The following ARL15 variants were observed in gnomAD, a reference collection of about 807,000 sequenced individuals.
The protein encoded by ARL15 is ARF like GTPase 15, also known as ADP-ribosylation factor-like protein 15.
A neutral mutation model predicts 25.2 loss-of-function variants in ARL15; 19 were observed. That is an observed-to-expected ratio of 0.75 (90% CI 0.53 to 1.10). ARL15 has a LOEUF of 1.10. ARL15 is among the 50% of genes least tolerant of loss of function. The pLI, the probability that ARL15 is intolerant of heterozygous loss-of-function variation, is 0.00. For synonymous variants in ARL15, 94 were observed against 86.8 expected, an observed-to-expected ratio of 1.08 and a Z score of -0.46; for missense variants, 220 against 246.0, an observed-to-expected ratio of 0.89 and a Z score of 0.71.
intron 1 of ARL15, among the ~76,000 whole-genome samples, chr5:54,275,726 C>G (rs575694604): frequency 6.6e-6 from 1 of 151,728 alleles, no homozygotes; most frequent in Non-Finnish European, 1.5e-5. Context: ...ACTCTGTCAC[C>G]CAGACTGGAG....
chr5:54,104,632 C>T (rs1226661266), intron 4 of ARL15, among the ~76,000 whole-genome samples: 2 of 151,876 alleles, frequency 1.3e-5, no homozygotes, highest in East Asian at 3.9e-4. Flanking sequence ...TATTTTCTTC[C>T]CATATTATGC....
chr5:54,113,464 A>T (rs931018809), intron 3 of ARL15, 54 bp from the exon 4 acceptor site: 1 of 1,542,074 alleles, frequency 6.5e-7, no homozygotes. Context: ...GCAACTGAAA[A>T]ATGTTCCCAA....
intron 1 of ARL15, among the ~76,000 whole-genome samples, chr5:54,209,392 AAG>A (rs1216934726): frequency 6.6e-6 from 1 of 151,890 alleles, no homozygotes; most frequent in Non-Finnish European, 1.5e-5. Context: ...AAGCTAGAGA[AAG>A]AGAAGTTAGA....
intron 3 of ARL15, among the ~76,000 whole-genome samples, chr5:54,140,485 T>C (rs1009401901): frequency 1.4e-5 from 2 of 146,564 alleles, no homozygotes. Flanking sequence ...GATAGAGATA[T>C]GCTTACACAG....
intron 3 of ARL15, among the ~76,000 whole-genome samples, chr5:54,129,263 G>A (rs181231816): frequency 1.3e-5 from 2 of 152,220 alleles, no homozygotes; most frequent in Admixed American, 1.3e-4. Context: ...CAACAGAAAT[G>A]TCTCCAAATT....
intron 4 of ARL15, among the ~76,000 whole-genome samples, chr5:53,996,303 G>C (rs1748668302): frequency 6.6e-6 from 1 of 152,180 alleles, no homozygotes; most frequent in South Asian, 2.1e-4. Context: ...GCTGATGCAT[G>C]TGTGATCATA....
chr5:54,125,821 T>G (rs1753234291), intron 3 of ARL15, among the ~76,000 whole-genome samples: 1 of 152,184 alleles, frequency 6.6e-6, no homozygotes, highest in African/African-American at 2.4e-5. Flanking sequence ...AAAATAAATT[T>G]GCAGCTAGGT....
At chr5:53,968,157 A>T (rs1261955298) in intron 4 of ARL15, among the ~76,000 whole-genome samples, 1 of 152,212 alleles carries the variant, frequency 6.6e-6, no homozygotes, top group Non-Finnish European at 1.5e-5. Context: ...GAGAGTTAGT[A>T]TGCTGAAGTA....
intron 1 of ARL15, among the ~76,000 whole-genome samples, chr5:54,261,081 G>A (rs946237680): frequency 3.3e-5 from 5 of 152,238 alleles, no homozygotes; most frequent in African/African-American, 1.2e-4. Context: ...GCTGCAAGTG[G>A]GGAAGTGTGA....
chr5:54,257,709 T>C (rs1757402391), intron 1 of ARL15, among the ~76,000 whole-genome samples: 1 of 152,206 alleles, frequency 6.6e-6, no homozygotes, highest in Non-Finnish European at 1.5e-5. Flanking sequence ...AAGTATCTGA[T>C]TGCATGTCAG....
chr5:54,072,282 T>C lies in ARL15; in HGVS notation c.462+40920A>G, dbSNP rs73112683. Among the ~76,000 whole-genome samples, 64 of 152,298 alleles carry C rather than the reference T, an allele frequency of 4.2e-4. 1 individual carries two copies. Among genetic ancestry groups the C allele is most frequent in the African/African-American group, 1.4e-3 (59 of 41,548 alleles). On this transcript the variant is annotated intron_variant, in intron 4 of 4. Transcript: ENST00000504924. ...AGTTCTCTCCACACACGGGCTTGGTTGAACAGATTTTGAACTGGCCAAGGT... is the reference window on the plus strand; with the variant it reads ...AGTTCTCTCCACACACGGGCTTGGTCGAACAGATTTTGAACTGGCCAAGGT...
chr5:54,153,216 A>G (rs936744681), intron 3 of ARL15, among the ~76,000 whole-genome samples: 2 of 152,206 alleles, frequency 1.3e-5, no homozygotes, highest in East Asian at 3.8e-4. Flanking sequence ...CACAAAGCAA[A>G]AAAGCATTTT....
At chr5:53,997,669 G>T (rs1748725920) in intron 4 of ARL15, among the ~76,000 whole-genome samples, 1 of 152,154 alleles carries the variant, frequency 6.6e-6, no homozygotes. Flanking sequence ...GATGAAGGAG[G>T]TGAATGGGGA....
intron 1 of ARL15, among the ~76,000 whole-genome samples, chr5:54,298,733 T>C (rs1283224795): frequency 2.0e-5 from 3 of 152,056 alleles, no homozygotes; most frequent in Admixed American, 2.0e-4. Flanking sequence ...TTTCCAGTCA[T>C]TATCTTCCAT....
chr5:54,073,520 G>C (rs1751486806), intron 4 of ARL15, among the ~76,000 whole-genome samples: 1 of 152,170 alleles, frequency 6.6e-6, no homozygotes, highest in Non-Finnish European at 1.5e-5. Flanking sequence ...TCAGAAGTTG[G>C]TTAGAAAATG....
At chr5:54,248,309 C>T (rs971878869) in intron 1 of ARL15, among the ~76,000 whole-genome samples, 3 of 152,190 alleles carry the variant, frequency 2.0e-5, no homozygotes, top group Non-Finnish European at 4.4e-5. Context: ...TCTCTCTTCA[C>T]CATCCTATCC....
At chr5:54,224,679 A>G (rs1002302476) in intron 1 of ARL15, among the ~76,000 whole-genome samples, 1 of 152,140 alleles carries the variant, frequency 6.6e-6, no homozygotes, top group African/African-American at 2.4e-5. Flanking sequence ...ACCCCTTGAG[A>G]GTGGGAGTGG....
chr5:54,054,304 C>T (rs1421445049), intron 4 of ARL15, among the ~76,000 whole-genome samples: 1 of 152,174 alleles, frequency 6.6e-6, no homozygotes, highest in Non-Finnish European at 1.5e-5. Context: ...AAAAATGGCA[C>T]TGTACTATCT....
In ARL15 at chr5:54,004,980, ATG is replaced by A. The variant is rs565789378; in HGVS notation, c.462+108220_462+108221del. ...TTCTCTTTCTAGTTTTTAAATTCTAATGTGTGTTTTCTTTTTCTTTTTTCTTT... is the reference window on the plus strand; with the variant it reads ...TTCTCTTTCTAGTTTTTAAATTCTAATGTGTTTTCTTTTTCTTTTTTCTTT... On this transcript the variant is annotated intron_variant, in intron 4 of 4. Coordinates refer to ENST00000504924, the MANE Select transcript of ARL15 (RefSeq NM_019087.3). Among the ~76,000 whole-genome samples, 17 of 152,140 alleles carry A rather than the reference ATG, an allele frequency of 1.1e-4. No individual in the cohort carries two copies. The South Asian group carries it at 3.5e-3, about 32-fold the overall frequency.
Sources: gnomAD v4.1 joint callset for allele counts (sites outside exome capture counted in the v4.1 genomes callset) on GRCh38, gnomAD v4.1.1 for gene constraint, MANE v1.5 for transcripts, NCBI Gene and HGNC (gene_info 2026-07-23, HGNC 2026-07-21) for gene names.